The following LUZP2 variants were observed in gnomAD, a reference collection of about 807,000 sequenced individuals.
The protein encoded by LUZP2 is leucine zipper protein 2.
A neutral mutation model predicts 51.6 loss-of-function variants in LUZP2; 52 were observed. The observed-to-expected ratio is 1.01, with a 90% confidence interval of 0.81 to 1.27. The LOEUF is 1.27. LUZP2 is among the 50% of genes most tolerant of loss of function. The pLI, the probability that LUZP2 is intolerant of heterozygous loss-of-function variation, is 0.00. For synonymous variants in LUZP2, 154 were observed against 137.3 expected, an observed-to-expected ratio of 1.12 and a Z score of -0.85; for missense variants, 436 against 395.4, an observed-to-expected ratio of 1.10 and a Z score of -0.87.
rs371255846 is a variant in LUZP2, at chr11:25,026,074, T to C, written c.766-23964T>C. Reference sequence around the variant, plus strand: ...ACCAAACACTGCATGTTCTCACTCATAGGTGGGAATTGAAGAATGAGAACA... The same window carrying C: ...ACCAAACACTGCATGTTCTCACTCACAGGTGGGAATTGAAGAATGAGAACA... On this transcript the variant is annotated intron_variant, in intron 9 of 11. Transcript: ENST00000336930. Among the ~76,000 whole-genome samples, 11 of 141,544 alleles carry C rather than the reference T, an allele frequency of 7.8e-5. No individual in the cohort carries two copies. The East Asian group carries it at 1.5e-3, about 19-fold the overall frequency. 92.9% of individuals were successfully genotyped at this position (141,544 alleles called of 152,430 possible). A position where few individuals can be genotyped will look rare whatever the true frequency, so the allele number is the denominator to read the frequency against.
At chr11:24,605,048 C>T (rs1565023409) in intron 1 of LUZP2, among the ~76,000 whole-genome samples, 1 of 151,612 alleles carries the variant, frequency 6.6e-6, no homozygotes, top group Non-Finnish European at 1.5e-5. Flanking sequence ...ATAATAATAA[C>T]AATTATTAAT....
chr11:24,737,767 G>GTGCT (rs1858997635), intron 3 of LUZP2, among the ~76,000 whole-genome samples: 1 of 152,066 alleles, frequency 6.6e-6, no homozygotes, highest in Non-Finnish European at 1.5e-5. Flanking sequence ...TACAAAGGAT[G>GTGCT]TATAAAGCAC....
chr11:24,643,173 C>T (rs7105995), intron 1 of LUZP2, among the ~76,000 whole-genome samples: 30,819 of 146,044 alleles, frequency 0.21, 3,399 homozygotes, highest in African/African-American at 0.29. Context: ...CTTTAGGAGG[C>T]GGAGGGAGGC....
chr11:24,776,292 T>C (rs1331652124), intron 5 of LUZP2, among the ~76,000 whole-genome samples: 4 of 152,172 alleles, frequency 2.6e-5, no homozygotes, highest in Non-Finnish European at 5.9e-5. Context: ...CCTTTTCAAA[T>C]TGGACTAACG....
chr11:24,529,807 C>T (rs1850939026), intron 1 of LUZP2, among the ~76,000 whole-genome samples: 1 of 150,714 alleles, frequency 6.6e-6, no homozygotes, highest in Non-Finnish European at 1.5e-5. Context: ...ACTGTATAAA[C>T]AAAATCTATC....
At chr11:24,681,261 G>T (rs963257522) in intron 1 of LUZP2, among the ~76,000 whole-genome samples, 4 of 152,152 alleles carry the variant, frequency 2.6e-5, no homozygotes, top group African/African-American at 9.7e-5. Flanking sequence ...GATTACAGGT[G>T]TGAGCCACCG....
chr11:24,627,827 A>G (rs1034128472), intron 1 of LUZP2, among the ~76,000 whole-genome samples: 6 of 152,202 alleles, frequency 3.9e-5, no homozygotes, highest in Admixed American at 2.0e-4. Flanking sequence ...TCTTGTCACT[A>G]TTCAGAGCAT....
At chr11:24,550,468 C>A (rs970803070) in intron 1 of LUZP2, among the ~76,000 whole-genome samples, 1 of 152,018 alleles carries the variant, frequency 6.6e-6, no homozygotes, top group Non-Finnish European at 1.5e-5. Flanking sequence ...AATTAAATAT[C>A]TTAGAGTTCA....
At chr11:24,529,879 T>C (rs192663405) in intron 1 of LUZP2, among the ~76,000 whole-genome samples, 76 of 151,108 alleles carry the variant, frequency 5.0e-4, no homozygotes, top group African/African-American at 1.8e-3. Flanking sequence ...TTTGATCTAA[T>C]AGGTTATATA....
intron 9 of LUZP2, among the ~76,000 whole-genome samples, chr11:24,987,786 A>G (rs568131952): frequency 1.3e-5 from 2 of 152,040 alleles, no homozygotes; most frequent in East Asian, 3.9e-4. Flanking sequence ...CTTTTCTGCC[A>G]AAAATCTGTT....
At chr11:24,630,673 CTTTT>C (rs57556855) in intron 1 of LUZP2, among the ~76,000 whole-genome samples, 5 of 131,644 alleles carry the variant, frequency 3.8e-5, no homozygotes, top group African/African-American at 5.6e-5. Context: ...GCTATTCCGA[CTTTT>C]TTTTTTTTTT....
intron 5 of LUZP2, among the ~76,000 whole-genome samples, chr11:24,872,864 C>G (rs1462685699): frequency 2.6e-5 from 4 of 152,122 alleles, no homozygotes; most frequent in African/African-American, 9.7e-5. Flanking sequence ...TGTCACAGTA[C>G]AGATATGCCC....
In LUZP2 at chr11:24,573,093, T is replaced by C. The variant is rs564577298; in HGVS notation, c.62+75788T>C. Among the ~76,000 whole-genome samples the C allele has an allele frequency of 2.8e-5, 4 of 144,224 alleles. No homozygotes were observed. The South Asian group carries it at 9.5e-4, about 34-fold the overall frequency. 94.6% of individuals were successfully genotyped at this position (144,224 alleles called of 152,430 possible). A position where few individuals can be genotyped will look rare whatever the true frequency, so the allele number is the denominator to read the frequency against. ...AAAATAAACAGATAAATGAAGGAAA[T>C]TATTGTAAATAAAAGAGAAATTGTT... On this transcript the variant is annotated intron_variant, in intron 1 of 11. Transcript: ENST00000336930.
intron 1 of LUZP2, among the ~76,000 whole-genome samples, chr11:24,726,488 C>T (rs771283826): frequency 4.0e-5 from 6 of 151,590 alleles, no homozygotes; most frequent in Admixed American, 1.3e-4. Context: ...AAAATAAATA[C>T]AAGATATGGG....
At position 24,551,477 on chromosome 11, in the gene LUZP2, G is replaced by T. The variant is rs1027802299; in HGVS notation, c.62+54172G>T. On this transcript the variant is annotated intron_variant, in intron 1 of 11. Coordinates refer to ENST00000336930, the MANE Select transcript of LUZP2 (RefSeq NM_001009909.4). ...GTGAATAACTGTTTAAGGGTACAGG[G>T]TTCCTTTTAGTGGTGTTGAAAATTT... Among the ~76,000 whole-genome samples, 6 of 151,978 alleles carry T rather than the reference G, an allele frequency of 3.9e-5. No individual in the cohort carries two copies. In the East Asian group the frequency reaches 7.7e-4, roughly 20 times the overall value.
intron 1 of LUZP2, among the ~76,000 whole-genome samples, chr11:24,648,209 T>C (rs1314585974): frequency 6.6e-6 from 1 of 151,964 alleles, no homozygotes; most frequent in Non-Finnish European, 1.5e-5. Flanking sequence ...TGCCTGGCTC[T>C]TAAATTTCTA....
At chr11:24,606,406 A>G (rs1853919777) in intron 1 of LUZP2, among the ~76,000 whole-genome samples, 1 of 152,020 alleles carries the variant, frequency 6.6e-6, no homozygotes, top group Non-Finnish European at 1.5e-5. Context: ...TTTTGTAAAA[A>G]TGAATTTTTG....
chr11:24,764,490 TAAAAAAAA>T (rs869045272), intron 5 of LUZP2, among the ~76,000 whole-genome samples: 1 of 94,058 alleles, frequency 1.1e-5, no homozygotes, highest in African/African-American at 3.7e-5. Flanking sequence ...ATCTCATCTC[TAAAAAAAA>T]AAAAAAAAAA....
At chr11:24,806,437 G>A (rs991703098) in intron 5 of LUZP2, among the ~76,000 whole-genome samples, 5 of 152,122 alleles carry the variant, frequency 3.3e-5, no homozygotes, top group African/African-American at 1.2e-4. Context: ...TAAACTATAC[G>A]CACCATCAAC....
Sources: gnomAD v4.1 joint callset for allele counts (sites outside exome capture counted in the v4.1 genomes callset) on GRCh38, gnomAD v4.1.1 for gene constraint, MANE v1.5 for transcripts, NCBI Gene and HGNC (gene_info 2026-07-23, HGNC 2026-07-21) for gene names.